Variants in STN1 observed in about 807,000 individuals in gnomAD.
STN1 encodes the protein STN1 subunit of CST complex.
STN1 carries 29 observed loss-of-function variants against 45.5 expected under a neutral mutation model. The observed-to-expected ratio is 0.64, with a 90% CI of 0.47 to 0.87. The LOEUF (loss-of-function observed/expected upper bound fraction) is 0.87, where lower values mean the gene tolerates loss of function less well. STN1 is among the 40% of genes least tolerant of loss of function. STN1 has a pLI of 0.00. For synonymous variants in STN1, 148 were observed against 159.0 expected, an observed-to-expected ratio of 0.93 and a Z score of 0.52; for missense variants, 376 against 441.4, an observed-to-expected ratio of 0.85 and a Z score of 1.33.
At chr10:103,907,270 G>T (rs1378927295) in intron 3 of STN1, among the ~76,000 whole-genome samples, 1 of 152,084 alleles carries the variant, frequency 6.6e-6, no homozygotes, top group Admixed American at 6.5e-5. Flanking sequence ...ATACCTAAAT[G>T]TTTATAAATA....
At chr10:103,899,315 C>A (rs147030611) in intron 5 of STN1, among the ~76,000 whole-genome samples, 1 of 152,228 alleles carries the variant, frequency 6.6e-6, no homozygotes, top group East Asian at 1.9e-4. Flanking sequence ...TGAAAACCAG[C>A]CAGCACGTGC....
Position 103,882,839 on chromosome 10 carries a change from T to A in STN1, c.952A>T (p.Met318Leu), listed in dbSNP as rs1843079528. The change falls in exon 10 of 10, where the codon ATG (methionine) becomes TTG (leucine). Residue 318 changes from methionine (M) to leucine (L), a missense_variant and splice_region_variant. Met to Leu is a conservative substitution (Grantham distance 15, BLOSUM62 2). Coordinates refer to ENST00000224950, the MANE Select transcript of STN1 (RefSeq NM_024928.5). ...IQQDCQKPNH[M>L]EKGCHFLHIL... ...TGCAGGAAGTGACAGCCCTTCTCCA[T>A]GTCTGCAGGAAAAAGGTAGGTGGCT... 1 of 1,610,266 alleles carries A rather than the reference T, an allele frequency of 6.2e-7. No homozygotes were observed. Among genetic ancestry groups the A allele is most frequent in the Admixed American group, 1.7e-5 (1 of 59,662 alleles).
rs1843077178 is a variant in STN1 at position 103,882,699 on chromosome 10, G to A, written c.1092C>T (p.Tyr364=). The part of the protein sequence containing the change: ...QSDIVSTMEH[Y]YTAF ...GTGTCTCTGCTCAGAACGCTGTGTAGTAGTGCTCCATTGTGCTGACAATGT... is the reference window on the plus strand; with the variant it reads ...GTGTCTCTGCTCAGAACGCTGTGTAATAGTGCTCCATTGTGCTGACAATGT... Residue 364 remains tyrosine (Y), a synonymous_variant, in exon 10 of 10, where the codon TAC becomes TAT. Transcript: ENST00000224950. The A allele has an allele frequency of 1.2e-6, 2 of 1,613,458 alleles. No individual in the cohort carries two copies. The highest frequency in any genetic ancestry group is 1.3e-5 in the African/African-American group (1 of 74,932).
In STN1 at chr10:103,905,159, G is replaced by C. The variant is rs1843232804; in HGVS notation, c.230-3C>G. The C allele has an allele frequency of 6.2e-7, 1 of 1,613,548 alleles. No individual in the cohort carries two copies. The highest frequency in any genetic ancestry group is 1.3e-5 in the African/African-American group (1 of 74,928). On this transcript the variant is annotated splice_polypyrimidine_tract_variant and splice_region_variant and intron_variant, in intron 3 of 9. Coordinates refer to ENST00000224950, the MANE Select transcript of STN1 (RefSeq NM_024928.5). Reference sequence around the variant, plus strand: ...TATAACTCCAGTGCTGTCATCCACTGCAAGAGAAAAGCAAAAGGGTATAAG... The same window carrying C: ...TATAACTCCAGTGCTGTCATCCACTCCAAGAGAAAAGCAAAAGGGTATAAG...
At chr10:103,916,734 T>C (rs1239718309) in intron 2 of STN1, among the ~76,000 whole-genome samples, 1 of 151,380 alleles carries the variant, frequency 6.6e-6, no homozygotes, top group Non-Finnish European at 1.5e-5. Flanking sequence ...CACCCCAAAC[T>C]ATACTTGTTA....
At chr10:103,915,905 C>T (rs1400866472) in intron 2 of STN1, among the ~76,000 whole-genome samples, 2 of 152,032 alleles carry the variant, frequency 1.3e-5, no homozygotes, top group East Asian at 1.9e-4. Context: ...ATCCCTCACA[C>T]GTGCAGTTCA....
chr10:103,899,454 G>C (rs562917006), intron 5 of STN1, among the ~76,000 whole-genome samples: 12 of 152,326 alleles, frequency 7.9e-5, no homozygotes, highest in Admixed American at 7.8e-4. Flanking sequence ...CAGCACTCTG[G>C]GAGGCTGAGG....
At position 103,900,071 on chromosome 10, in the gene STN1, T is replaced by C; in HGVS notation, c.448A>G (p.Thr150Ala). ...TYREEREIHATTYYKVDDPVW... is the reference protein window; with the variant it reads ...TYREEREIHAATYYKVDDPVW... ...AATATCTTGTGCTTACAGTAAGTGG[T>C]GGCATGAATCTCTCGCTCTTCTCTG... Residue 150 changes from threonine (T) to alanine (A), a missense_variant, in exon 5 of 10, where the codon ACC becomes GCC. Thr to Ala is a moderately conservative substitution (Grantham distance 58). Coordinates refer to ENST00000224950, the MANE Select transcript of STN1 (RefSeq NM_024928.5). 6.2e-7 allele frequency: 1 copy of C among 1,614,072 alleles called. No homozygotes were observed. Among genetic ancestry groups the C allele is most frequent in the Non-Finnish European group, 8.5e-7 (1 of 1,179,956 alleles).
In STN1 at chr10:103,881,220, C is replaced by T. The variant is rs7100920; in HGVS notation, c.*1464G>A. 0.48 allele frequency among the ~76,000 whole-genome samples: 72,772 copies of T among 152,078 alleles called. 17,617 individuals are homozygous for T. Among genetic ancestry groups the T allele is most frequent in the Admixed American group, 0.51 (7,760 of 15,280 alleles). On this transcript the variant is annotated 3_prime_UTR_variant, in exon 10 of 10. Coordinates refer to ENST00000224950, the MANE Select transcript of STN1 (RefSeq NM_024928.5). ...CACCTTGTGCAACCATCCTTTCACA[C>T]TTGTGTAGCCATCTCCTTGAGATAA... is the stretch of plus-strand genomic sequence containing the variant.
intron 4 of STN1, 40 bp from the exon 5 acceptor site, chr10:103,900,263 T>A (rs767825982): frequency 1.2e-6 from 2 of 1,603,292 alleles, no homozygotes; most frequent in Non-Finnish European, 1.7e-6. Flanking sequence ...GAAAAAGTTA[T>A]AACACAATCA....
Position 103,910,528 on chromosome 10 carries a change from TC to T in STN1, c.227del (p.Gly76GlufsTer9). On this transcript the variant is annotated frameshift_variant and splice_region_variant, in exon 3 of 10. Coordinates refer to ENST00000224950, the MANE Select transcript of STN1 (RefSeq NM_024928.5). LOFTEE classifies it high-confidence loss of function. Reference protein sequence around the residue: ...VRERDAFYSYGVDDSTGVINC... With the variant: ...VRERDAFYSYXVDDSTGVINC... ...CATTTCAGACACAATTGTTCTTACC[TC>T]CATAACTGTAGAAAGCATCTCTTTC... The T allele has an allele frequency of 6.3e-7, 1 of 1,590,072 alleles. No individual in the cohort carries two copies. The highest frequency in any genetic ancestry group is 8.6e-7 in the Non-Finnish European group (1 of 1,158,582).
chr10:103,913,253 T>C (rs1843303456), intron 2 of STN1, among the ~76,000 whole-genome samples: 1 of 152,208 alleles, frequency 6.6e-6, no homozygotes, highest in Non-Finnish European at 1.5e-5. Flanking sequence ...CATCCAATGG[T>C]ATCAACTTTG....
intron 7 of STN1, 80 bp downstream of exon 7, chr10:103,897,468 C>T: frequency 3.2e-6 from 4 of 1,239,342 alleles, no homozygotes; most frequent in Non-Finnish European, 4.7e-6. Flanking sequence ...ATCTTCATGC[C>T]ACAGTCACTT....
At position 103,901,838 on chromosome 10, in the gene STN1, G is replaced by GA. The variant is rs1474834705; in HGVS notation, c.296-1616dup. 2.0e-5 allele frequency among the ~76,000 whole-genome samples: 3 copies of GA among 152,042 alleles called. No homozygotes were observed. The South Asian group carries it at 6.2e-4, about 31-fold the overall frequency. ...TTACATATTGTCAGAATGCTTGCCAGAAAAAAATGATCAAATCTCTCTGTT... is the reference window on the plus strand; with the variant it reads ...TTACATATTGTCAGAATGCTTGCCAGAAAAAAAATGATCAAATCTCTCTGTT... On this transcript the variant is annotated intron_variant, in intron 4 of 9. Transcript: ENST00000224950.
Position 103,882,495 on chromosome 10 carries a change from G to A in STN1, c.*189C>T. The A allele has an allele frequency of 1.8e-6, 1 of 557,748 alleles. No individual in the cohort carries two copies. Among genetic ancestry groups the A allele is most frequent in the Non-Finnish European group, 3.1e-6 (1 of 324,286 alleles). 34.5% of individuals were successfully genotyped at this position (557,748 alleles called of 1,614,324 possible). A position where few individuals can be genotyped will look rare whatever the true frequency, so the allele number is the denominator to read the frequency against. ...TGAGATCAAAGTCATTGTACACCAA[G>A]GACATAGTGGACAGAAGGGAGCCAA... is the stretch of plus-strand genomic sequence containing the variant. On this transcript the variant is annotated 3_prime_UTR_variant, in exon 10 of 10. Coordinates refer to ENST00000224950, the MANE Select transcript of STN1 (RefSeq NM_024928.5).
chr10:103,903,238 A>G (rs942534961), intron 4 of STN1, among the ~76,000 whole-genome samples: 1 of 152,204 alleles, frequency 6.6e-6, no homozygotes, highest in African/African-American at 2.4e-5. Flanking sequence ...CACAGACCAT[A>G]GGGTGCACAA....
At chr10:103,898,758 C>T in intron 6 of STN1, 119 bp downstream of exon 6, 1 of 1,155,664 alleles carries the variant, frequency 8.7e-7, no homozygotes, top group South Asian at 1.4e-5. Context: ...TGCCCAGAGC[C>T]CCACAGTGCA....
rs140917486 is a variant in STN1 at position 103,904,706 on chromosome 10, C to G, written c.295+385G>C. ...GTTAGTGGCAACCATGTGAGAGAAA[C>G]AGTCTTCAAAATGTTCTTTGGTCAA... On this transcript the variant is annotated intron_variant, in intron 4 of 9. Coordinates refer to ENST00000224950, the MANE Select transcript of STN1 (RefSeq NM_024928.5). Among the ~76,000 whole-genome samples, 20 of 152,268 alleles carry G rather than the reference C, an allele frequency of 1.3e-4. No homozygotes were observed. In the East Asian group the frequency reaches 3.7e-3, roughly 28 times the overall value.
At chr10:103,889,581 GAA>G (rs35804344) in intron 8 of STN1, among the ~76,000 whole-genome samples, 30,794 of 111,600 alleles carry the variant, frequency 0.28, 3,390 homozygotes, top group Middle Eastern at 0.31. Context: ...AATAAAAGGA[GAA>G]AAAAAAAAAA....
Sources: gnomAD v4.1 joint callset for allele counts (sites outside exome capture counted in the v4.1 genomes callset) on GRCh38, gnomAD v4.1.1 for gene constraint, MANE v1.5 for transcripts, NCBI Gene and HGNC (gene_info 2026-07-23, HGNC 2026-07-21) for gene names.